CADPS: variants seen among roughly 807,000 people sequenced by gnomAD.
The protein encoded by CADPS is calcium-dependent secretion activator 1.
In CADPS, 57 loss-of-function variants were observed where a neutral mutation model predicts 167.3. That is an observed-to-expected ratio of 0.34 (90% CI 0.28 to 0.42). CADPS has a LOEUF of 0.42. Ranked by LOEUF, CADPS falls within the 20% of genes least tolerant of loss-of-function variation. The pLI, the probability that CADPS is intolerant of heterozygous loss-of-function variation, is 1.00. For missense variants in CADPS, 1,414 were observed against 1,738.1 expected (o/e 0.81, Z 3.32); for synonymous variants, 676 against 635.3 (o/e 1.06, Z -0.96).
chr3:62,663,876 T>G (rs1327771555), intron 3 of CADPS, among the ~76,000 whole-genome samples: 1 of 152,206 alleles, frequency 6.6e-6, no homozygotes, highest in Non-Finnish European at 1.5e-5. Context: ...GGACTTTTCC[T>G]TAGATCATGA....
intron 3 of CADPS, among the ~76,000 whole-genome samples, chr3:62,706,091 G>T (rs2082260622): frequency 6.6e-6 from 1 of 152,060 alleles, no homozygotes; most frequent in African/African-American, 2.4e-5. Context: ...GCTTCTGACA[G>T]CTTCCAGAGT....
At chr3:62,597,511 C>T (rs911688352) in intron 6 of CADPS, among the ~76,000 whole-genome samples, 1 of 152,148 alleles carries the variant, frequency 6.6e-6, no homozygotes, top group South Asian at 2.1e-4. Context: ...CCTGGAGATA[C>T]CCCACTGTAT....
chr3:62,419,336 G>A (rs1463871552), intron 28 of CADPS, among the ~76,000 whole-genome samples: 1 of 152,062 alleles, frequency 6.6e-6, no homozygotes, highest in African/African-American at 2.4e-5. Flanking sequence ...TTTTTCTCTG[G>A]ATATGTTGGG....
intron 6 of CADPS, among the ~76,000 whole-genome samples, chr3:62,623,964 A>AG (rs5849490): frequency 0.91 from 138,061 of 151,806 alleles, 63,496 homozygotes; most frequent in East Asian, 1. Context: ...TGTCACCACG[A>AG]GGGTGGGGGT....
At chr3:62,593,128 G>C (rs2148826738) in intron 6 of CADPS, among the ~76,000 whole-genome samples, 1 of 152,298 alleles carries the variant, frequency 6.6e-6, no homozygotes, top group East Asian at 1.9e-4. Flanking sequence ...TGTACATCTT[G>C]GGATGGGGCT....
chr3:62,439,499 G>A (rs772741821), intron 27 of CADPS: 2 of 152,148 alleles, frequency 1.3e-5, no homozygotes, highest in Non-Finnish European at 2.9e-5. Flanking sequence ...TTCAGCGAAT[G>A]GATTGAGCAG....
chr3:62,786,409 A>AG (rs373057660), intron 1 of CADPS, among the ~76,000 whole-genome samples: 53 of 152,246 alleles, frequency 3.5e-4, no homozygotes, highest in African/African-American at 1.2e-3. Context: ...TGGGAGGCTG[A>AG]GGCAGGGAGA....
intron 1 of CADPS, among the ~76,000 whole-genome samples, chr3:62,853,163 A>G (rs978056275): frequency 6.6e-6 from 1 of 152,226 alleles, no homozygotes; most frequent in East Asian, 1.9e-4. Context: ...TGTGATCAAT[A>G]CCACTTTTAT....
intron 24 of CADPS, among the ~76,000 whole-genome samples, chr3:62,473,463 A>G (rs1391838795): frequency 6.6e-6 from 1 of 152,272 alleles, no homozygotes; most frequent in African/African-American, 2.4e-5. Flanking sequence ...GTTGCCAGAA[A>G]TGCTTCTGAA....
chr3:62,475,932 C>T (rs2061264779), intron 23 of CADPS, among the ~76,000 whole-genome samples: 2 of 152,210 alleles, frequency 1.3e-5, no homozygotes, highest in East Asian at 1.9e-4. Context: ...TGTTCATAGC[C>T]CTTGGAGTGC....
intron 1 of CADPS, among the ~76,000 whole-genome samples, chr3:62,824,900 T>A (rs1000788139): frequency 1.3e-5 from 2 of 152,120 alleles, no homozygotes; most frequent in African/African-American, 2.4e-5. Flanking sequence ...CAAAACTGTG[T>A]ATTACATTTC....
At chr3:62,677,334 C>T (rs530108559) in intron 3 of CADPS, among the ~76,000 whole-genome samples, 6 of 152,180 alleles carry the variant, frequency 3.9e-5, no homozygotes, top group African/African-American at 1.4e-4. Context: ...ACCAGAAAAA[C>T]CCACAAAGGT....
intron 3 of CADPS, among the ~76,000 whole-genome samples, chr3:62,723,332 C>A (rs2076154853): frequency 6.6e-6 from 1 of 152,158 alleles, no homozygotes; most frequent in Admixed American, 6.5e-5. Flanking sequence ...GGCTCTAAAT[C>A]ATCTTAAACT....
At chr3:62,820,029 GCACA>G (rs35394361) in intron 1 of CADPS, among the ~76,000 whole-genome samples, 7 of 151,608 alleles carry the variant, frequency 4.6e-5, no homozygotes, top group African/African-American at 1.7e-4. Context: ...ATGCATGTGT[GCACA>G]CACACACACA....
chr3:62,729,242 T>C (rs539100), intron 3 of CADPS, among the ~76,000 whole-genome samples: 2 of 151,704 alleles, frequency 1.3e-5, no homozygotes. Flanking sequence ...CAGATTTTAC[T>C]TGTTTCTCTG....
In CADPS at chr3:62,610,245, T is replaced by C. The variant is rs145240954; in HGVS notation, c.1326-17497A>G. Among the ~76,000 whole-genome samples, 720 of 150,056 alleles carry C rather than the reference T, an allele frequency of 4.8e-3. 6 individuals are homozygous for C. Among genetic ancestry groups the C allele is most frequent in the African/African-American group, 0.017 (692 of 39,610 alleles). Reference sequence around the variant, plus strand: ...TTCTTTTCTTTTTCTTCCTTTTCTTTTCTTTCTTTTCTTTCTTTCTTCCTT... The same window carrying C: ...TTCTTTTCTTTTTCTTCCTTTTCTTCTCTTTCTTTTCTTTCTTTCTTCCTT... On this transcript the variant is annotated intron_variant, in intron 6 of 29. Transcript: ENST00000383710.
intron 18 of CADPS, among the ~76,000 whole-genome samples, chr3:62,495,745 A>C (rs59181188): frequency 0.021 from 3,162 of 152,336 alleles, 107 homozygotes; most frequent in African/African-American, 0.07. Flanking sequence ...GCAACCATAC[A>C]TGAAGGCATA....
At chr3:62,860,389 C>T (rs1171385664) in intron 1 of CADPS, among the ~76,000 whole-genome samples, 1 of 152,086 alleles carries the variant, frequency 6.6e-6, no homozygotes, top group Non-Finnish European at 1.5e-5. Context: ...TGGAAAATAC[C>T]ATCATCCCTC....
chr3:62,757,905 G>A (rs779417642), intron 2 of CADPS, among the ~76,000 whole-genome samples: 1 of 152,146 alleles, frequency 6.6e-6, no homozygotes, highest in Non-Finnish European at 1.5e-5. Context: ...AAAACCATCA[G>A]ATATCTTGAG....
Sources: gnomAD v4.1 joint callset for allele counts (sites outside exome capture counted in the v4.1 genomes callset) on GRCh38, gnomAD v4.1.1 for gene constraint, MANE v1.5 for transcripts, NCBI Gene and HGNC (gene_info 2026-07-23, HGNC 2026-07-21) for gene names.